FAM107B: variants seen among roughly 807,000 people sequenced by gnomAD.
The protein encoded by FAM107B is family with sequence similarity 107 member B, also known as protein FAM107B.
Under a neutral mutation model 31.5 loss-of-function variants are expected in FAM107B, and 21 were observed. The ratio of observed to expected loss-of-function variants is 0.67; its 90% confidence interval spans 0.47 to 0.96. The LOEUF is 0.96. Ranked by LOEUF, FAM107B falls within the 40% of genes least tolerant of loss-of-function variation. The probability of loss-of-function intolerance (pLI) is 0.00; values close to 1 mark genes in which losing one functional copy is unlikely to be tolerated. For synonymous variants in FAM107B, 157 were observed against 141.5 expected (o/e 1.11, Z -0.78); for missense variants, 452 against 377.1 (o/e 1.20, Z -1.64).
At chr10:14,743,449 T>C (rs904997313) in intron 1 of FAM107B, among the ~76,000 whole-genome samples, 1 of 152,246 alleles carries the variant, frequency 6.6e-6, no homozygotes, top group Non-Finnish European at 1.5e-5. Context: ...CTAAATGGTA[T>C]TGCATAGATT....
At chr10:14,540,546 C>T (rs943986246) in intron 2 of FAM107B, among the ~76,000 whole-genome samples, 4 of 152,182 alleles carry the variant, frequency 2.6e-5, no homozygotes, top group Admixed American at 1.3e-4. Context: ...CTCTGTCCTC[C>T]CCCTGTTCTC....
rs555800466 is a variant in FAM107B, at chr10:14,757,542, G to A, written c.411+16711C>T. On this transcript the variant is annotated intron_variant, in intron 1 of 4. Transcript: ENST00000181796. ...AACTATTCAGTGAGCCAGACGGAGC[G>A]AATCCAAAATTTCCCTGCAGAAAGT... is the stretch of plus-strand genomic sequence containing the variant. 5.3e-5 allele frequency among the ~76,000 whole-genome samples: 8 copies of A among 152,226 alleles called. No individual in the cohort carries two copies. In the South Asian group the frequency reaches 6.2e-4, roughly 12 times the overall value.
At chr10:14,676,189 T>C (rs76791316) in intron 1 of FAM107B, among the ~76,000 whole-genome samples, 1 of 151,970 alleles carries the variant, frequency 6.6e-6, no homozygotes, top group African/African-American at 2.4e-5. Flanking sequence ...ACAAAAAAAC[T>C]TATGTAGCAG....
intron 2 of FAM107B, among the ~76,000 whole-genome samples, chr10:14,612,878 C>A (rs1852758838): frequency 6.6e-6 from 1 of 152,170 alleles, no homozygotes; most frequent in South Asian, 2.1e-4. Context: ...TGATGAGCAA[C>A]TTTGTCTGGA....
At chr10:14,737,831 G>A (rs1856343050) in intron 1 of FAM107B, among the ~76,000 whole-genome samples, 1 of 142,178 alleles carries the variant, frequency 7.0e-6, no homozygotes. Flanking sequence ...CCAGCCACAA[G>A]CACTGTGCCT....
chr10:14,749,501 A>T (rs1225131595), intron 1 of FAM107B, among the ~76,000 whole-genome samples: 2 of 152,188 alleles, frequency 1.3e-5, no homozygotes, highest in African/African-American at 2.4e-5. Flanking sequence ...ACTAAAACAC[A>T]TACTTCATTA....
rs1850447684 is a variant in FAM107B, at chr10:14,563,928, G to A, written c.470-33413C>T. 2.0e-5 allele frequency among the ~76,000 whole-genome samples: 3 copies of A among 151,992 alleles called. No homozygotes were observed. In the South Asian group the frequency reaches 6.2e-4, roughly 32 times the overall value. ...GTTTTCACTTTAAAAAATCACTAAAGAGATAAATAAAACAATGTGAAACAT... is the reference window on the plus strand; with the variant it reads ...GTTTTCACTTTAAAAAATCACTAAAAAGATAAATAAAACAATGTGAAACAT... On this transcript the variant is annotated intron_variant, in intron 2 of 4. Coordinates refer to ENST00000181796, the MANE Select transcript of FAM107B (RefSeq NM_031453.4).
intron 2 of FAM107B, among the ~76,000 whole-genome samples, chr10:14,633,280 A>T (rs1853415103): frequency 6.6e-6 from 1 of 152,212 alleles, no homozygotes; most frequent in Non-Finnish European, 1.5e-5. Context: ...AATTTACATA[A>T]GTCTTTAATT....
At chr10:14,522,316 G>A (rs186398617) in intron 3 of FAM107B, 80 of 301,260 alleles carry the variant, frequency 2.7e-4, no homozygotes, top group Non-Finnish European at 4.5e-4. Flanking sequence ...GGGGATGTGC[G>A]TACGATGACT....
At chr10:14,699,889 C>T (rs566541331) in intron 1 of FAM107B, among the ~76,000 whole-genome samples, 48 of 152,162 alleles carry the variant, frequency 3.2e-4, no homozygotes, top group African/African-American at 5.3e-4. Flanking sequence ...GGAGCGCCAG[C>T]GAGTGCAGGG....
intron 1 of FAM107B, among the ~76,000 whole-genome samples, chr10:14,699,023 T>G (rs1296640409): frequency 6.6e-6 from 1 of 151,486 alleles, no homozygotes; most frequent in African/African-American, 2.4e-5. Context: ...AGTTGGAGCA[T>G]GGAGAGTGGG....
chr10:14,565,120 C>T (rs1460791151), intron 2 of FAM107B, among the ~76,000 whole-genome samples: 1 of 152,184 alleles, frequency 6.6e-6, no homozygotes, highest in Non-Finnish European at 1.5e-5. Flanking sequence ...CATTAAAACA[C>T]GTATTTATTG....
At chr10:14,640,621 T>G (rs1201986879) in intron 2 of FAM107B, among the ~76,000 whole-genome samples, 1 of 152,200 alleles carries the variant, frequency 6.6e-6, no homozygotes, top group Non-Finnish European at 1.5e-5. Context: ...GAATTTTCTT[T>G]CTGTCTACTG....
intron 2 of FAM107B, among the ~76,000 whole-genome samples, chr10:14,590,698 T>C (rs991908053): frequency 3.9e-5 from 6 of 152,070 alleles, no homozygotes; most frequent in South Asian, 4.1e-4. Context: ...GATCCATTTC[T>C]CAGCCAGGCG....
chr10:14,611,907 T>A lies in FAM107B; in HGVS notation c.469+55727A>T, dbSNP rs115526094. Among the ~76,000 whole-genome samples, 647 of 152,326 alleles carry A rather than the reference T, an allele frequency of 4.2e-3. 4 individuals are homozygous for A. The highest frequency in any genetic ancestry group is 0.015 in the African/African-American group (623 of 41,562). ...CAGCCACAAAATACATATATTTATATATTTATATCCTCATACATATAAAAC... is the reference window on the plus strand; with the variant it reads ...CAGCCACAAAATACATATATTTATAAATTTATATCCTCATACATATAAAAC... On this transcript the variant is annotated intron_variant, in intron 2 of 4. Coordinates refer to ENST00000181796, the MANE Select transcript of FAM107B (RefSeq NM_031453.4).
chr10:14,608,517 G>T (rs1852647517), intron 2 of FAM107B, among the ~76,000 whole-genome samples: 1 of 152,212 alleles, frequency 6.6e-6, no homozygotes, highest in South Asian at 2.1e-4. Context: ...CAACTGGGAG[G>T]TTGGCCAGGG....
At chr10:14,729,082 T>G (rs1185647022) in intron 1 of FAM107B, among the ~76,000 whole-genome samples, 1 of 152,122 alleles carries the variant, frequency 6.6e-6, no homozygotes, top group Non-Finnish European at 1.5e-5. Context: ...AGCCTTGACC[T>G]TCTGGGCTCA....
chr10:14,698,103 C>A (rs1437219166), intron 1 of FAM107B, among the ~76,000 whole-genome samples: 2 of 150,820 alleles, frequency 1.3e-5, no homozygotes, highest in African/African-American at 4.9e-5. Context: ...CCAGCCTGGG[C>A]AACAGAGCAA....
intron 2 of FAM107B, among the ~76,000 whole-genome samples, chr10:14,629,731 T>C (rs12245710): frequency 0.041 from 6,128 of 150,326 alleles, 184 homozygotes; most frequent in African/African-American, 0.087. Flanking sequence ...GCCAGGATGG[T>C]CTTGATCTCC....
Sources: allele counts gnomAD v4.1 joint callset (sites outside exome capture counted in the v4.1 genomes callset), GRCh38; gene constraint gnomAD v4.1.1; transcripts MANE v1.5; gene names NCBI Gene and HGNC (gene_info 2026-07-23, HGNC 2026-07-21).